LRRC4C: variants seen among roughly 807,000 people sequenced by gnomAD.
LRRC4C encodes the protein leucine rich repeat containing 4C.
In LRRC4C, 5 loss-of-function variants were observed where a neutral mutation model predicts 33.6. The ratio of observed to expected loss-of-function variants is 0.15; its 90% confidence interval spans 0.08 to 0.31. The LOEUF (loss-of-function observed/expected upper bound fraction) is 0.31. Ranked by LOEUF, LRRC4C falls within the 10% of genes least tolerant of loss-of-function variation. The probability of loss-of-function intolerance (pLI) is 1.00; values close to 1 mark genes in which losing one functional copy is unlikely to be tolerated. For missense variants in LRRC4C, 560 were observed against 796.7 expected, an observed-to-expected ratio of 0.70 and a Z score of 3.58; for synonymous variants, 329 against 302.0, an observed-to-expected ratio of 1.09 and a Z score of -0.93.
intron 3 of LRRC4C, among the ~76,000 whole-genome samples, chr11:40,322,164 G>A (rs569999508): frequency 1.1e-4 from 17 of 152,228 alleles, no homozygotes; most frequent in African/African-American, 4.1e-4. Context: ...GCAGGTTTTA[G>A]GATTTCATCC....
intron 3 of LRRC4C, among the ~76,000 whole-genome samples, chr11:40,527,907 C>T (rs565374860): frequency 6.6e-6 from 1 of 152,032 alleles, no homozygotes; most frequent in Non-Finnish European, 1.5e-5. Flanking sequence ...CACCATGATG[C>T]CTGGCTAATT....
chr11:40,146,490 A>G (rs1590517669), intron 5 of LRRC4C, among the ~76,000 whole-genome samples: 1 of 152,158 alleles, frequency 6.6e-6, no homozygotes, highest in Admixed American at 6.6e-5. Flanking sequence ...TAAAATGGCT[A>G]TAAGCCTTAA....
rs1484968619 is a variant in LRRC4C, at chr11:40,212,486, C to A, written c.-96+29033G>T. ...CAAGCAAAATTAAAAAAAAAAAAAACTATAGGAATATTAACAAACTTCTGA... is the reference window on the plus strand; with the variant it reads ...CAAGCAAAATTAAAAAAAAAAAAAAATATAGGAATATTAACAAACTTCTGA... On this transcript the variant is annotated intron_variant, in intron 5 of 6. Transcript: ENST00000528697. 4.1e-5 allele frequency among the ~76,000 whole-genome samples: 6 copies of A among 144,914 alleles called. No individual in the cohort carries two copies. In the East Asian group the frequency reaches 1.2e-3, roughly 29 times the overall value.
chr11:40,721,110 T>C (rs1946988232), intron 2 of LRRC4C, among the ~76,000 whole-genome samples: 1 of 152,168 alleles, frequency 6.6e-6, no homozygotes, highest in Non-Finnish European at 1.5e-5. Flanking sequence ...CCAAACATCA[T>C]TCACTGAGTC....
At chr11:40,531,184 A>G (rs1956256241) in intron 3 of LRRC4C, among the ~76,000 whole-genome samples, 1 of 152,130 alleles carries the variant, frequency 6.6e-6, no homozygotes, top group South Asian at 2.1e-4. Context: ...AGAGGAAAGT[A>G]TGGAAATTTT....
chr11:40,679,762 A>T (rs1944583852), intron 2 of LRRC4C, among the ~76,000 whole-genome samples: 1 of 152,166 alleles, frequency 6.6e-6, no homozygotes, highest in African/African-American at 2.4e-5. Context: ...CCCAGGCAAA[A>T]GTTTGCTGCA....
At chr11:41,332,273 A>G (rs1951319066) in intron 1 of LRRC4C, among the ~76,000 whole-genome samples, 1 of 152,246 alleles carries the variant, frequency 6.6e-6, no homozygotes, top group Non-Finnish European at 1.5e-5. Context: ...CAATTTTATA[A>G]CAAGCACAAA....
chr11:40,777,736 G>A (rs1950063776), intron 2 of LRRC4C, among the ~76,000 whole-genome samples: 1 of 151,186 alleles, frequency 6.6e-6, no homozygotes, highest in African/African-American at 2.4e-5. Flanking sequence ...CACCCAGGCT[G>A]GAGTGCAGTG....
At chr11:40,940,698 C>T (rs1170678167) in intron 1 of LRRC4C, among the ~76,000 whole-genome samples, 1 of 152,108 alleles carries the variant, frequency 6.6e-6, no homozygotes, top group Non-Finnish European at 1.5e-5. Context: ...CTTAGAAGAG[C>T]ATTCTGTGCT....
intron 2 of LRRC4C, among the ~76,000 whole-genome samples, chr11:40,756,915 G>A (rs1323431905): frequency 6.6e-6 from 1 of 151,376 alleles, no homozygotes; most frequent in African/African-American, 2.4e-5. Context: ...AAATTTCCTT[G>A]AGGATTTTGT....
intron 2 of LRRC4C, among the ~76,000 whole-genome samples, chr11:40,665,166 G>C (rs1268685915): frequency 6.6e-6 from 1 of 150,892 alleles, no homozygotes; most frequent in East Asian, 1.9e-4. Context: ...GGAAATCAAA[G>C]GTATAGGTGA....
intron 2 of LRRC4C, among the ~76,000 whole-genome samples, chr11:40,772,329 C>G (rs150238417): frequency 8.6e-4 from 131 of 152,184 alleles, no homozygotes; most frequent in Middle Eastern, 3.4e-3. Context: ...AGAACTGCTC[C>G]CAAGATCTAA....
At chr11:40,519,026 T>A (rs1955690437) in intron 3 of LRRC4C, among the ~76,000 whole-genome samples, 1 of 152,028 alleles carries the variant, frequency 6.6e-6, no homozygotes, top group Non-Finnish European at 1.5e-5. Context: ...CACTCATAAG[T>A]GGGAGTTGAA....
chr11:40,207,016 A>G (rs931099341), intron 5 of LRRC4C, among the ~76,000 whole-genome samples: 1 of 152,208 alleles, frequency 6.6e-6, no homozygotes, highest in Non-Finnish European at 1.5e-5. Context: ...TGTAAGAAAC[A>G]GTGATGGCAG....
chr11:40,774,461 G>A (rs1949896027), intron 2 of LRRC4C, among the ~76,000 whole-genome samples: 1 of 152,108 alleles, frequency 6.6e-6, no homozygotes, highest in Non-Finnish European at 1.5e-5. Context: ...TTAATCTGGA[G>A]CTATTCTGCA....
chr11:41,159,006 C>T (rs1944350167), intron 1 of LRRC4C, among the ~76,000 whole-genome samples: 2 of 152,018 alleles, frequency 1.3e-5, no homozygotes, highest in Non-Finnish European at 2.9e-5. Flanking sequence ...CTCAATAGGC[C>T]AGGCATGGTA....
At chr11:41,036,234 T>C (rs868463120) in intron 1 of LRRC4C, among the ~76,000 whole-genome samples, 7 of 152,162 alleles carry the variant, frequency 4.6e-5, no homozygotes, top group Non-Finnish European at 5.9e-5. Flanking sequence ...CTTAAATTCA[T>C]TCTGGGTTTT....
At chr11:40,195,753 AAAAG>A (rs1438070779) in intron 5 of LRRC4C, among the ~76,000 whole-genome samples, 1 of 152,218 alleles carries the variant, frequency 6.6e-6, no homozygotes, top group African/African-American at 2.4e-5. Flanking sequence ...CAAAAAAAAA[AAAAG>A]ATTTCCTTGA....
intron 3 of LRRC4C, among the ~76,000 whole-genome samples, chr11:40,559,394 A>G (rs1190226585): frequency 1.3e-5 from 2 of 152,052 alleles, no homozygotes; most frequent in African/African-American, 4.8e-5. Context: ...CATGTTGCCC[A>G]GGCTGCTGTT....
Sources: gnomAD v4.1 joint callset for allele counts (sites outside exome capture counted in the v4.1 genomes callset) on GRCh38, gnomAD v4.1.1 for gene constraint, MANE v1.5 for transcripts, NCBI Gene and HGNC (gene_info 2026-07-23, HGNC 2026-07-21) for gene names.